NLGN1: variants seen among roughly 807,000 people sequenced by gnomAD.
The protein encoded by NLGN1 is neuroligin-1.
In NLGN1, 12 loss-of-function variants were observed where a neutral mutation model predicts 65.5. The ratio of observed to expected loss-of-function variants is 0.18; its 90% confidence interval spans 0.12 to 0.30. The LOEUF is 0.30. Among genes scored for constraint, NLGN1 ranks in the 10% least tolerant of loss-of-function variants. The pLI is 1.00. For synonymous variants in NLGN1, 350 were observed against 359.5 expected, an observed-to-expected ratio of 0.97 and a Z score of 0.30; for missense variants, 750 against 1,007.1, an observed-to-expected ratio of 0.74 and a Z score of 3.46.
At chr3:173,484,595 A>G (rs1727853542) in intron 2 of NLGN1, among the ~76,000 whole-genome samples, 1 of 152,220 alleles carries the variant, frequency 6.6e-6, no homozygotes, top group Non-Finnish European at 1.5e-5. Context: ...CTTCAAGTCA[A>G]TAAGAAATAA....
intron 2 of NLGN1, among the ~76,000 whole-genome samples, chr3:173,579,922 A>G (rs1053827598): frequency 2.0e-5 from 3 of 152,136 alleles, no homozygotes; most frequent in Non-Finnish European, 2.9e-5. Context: ...TTCTAGCTTC[A>G]GAATTTTTAA....
chr3:173,541,888 A>G (rs1339995273), intron 2 of NLGN1, among the ~76,000 whole-genome samples: 1 of 152,100 alleles, frequency 6.6e-6, no homozygotes, highest in African/African-American at 2.4e-5. Flanking sequence ...AGGTGTACGT[A>G]GATGTGGATT....
intron 2 of NLGN1, among the ~76,000 whole-genome samples, chr3:173,506,197 G>A (rs990644038): frequency 2.0e-5 from 3 of 151,920 alleles, no homozygotes; most frequent in East Asian, 1.9e-4. Context: ...ACATACTTAC[G>A]AGAGAAAAGA....
intron 4 of NLGN1, among the ~76,000 whole-genome samples, chr3:174,073,581 G>T (rs954365118): frequency 6.6e-6 from 1 of 152,148 alleles, no homozygotes; most frequent in Non-Finnish European, 1.5e-5. Context: ...ATATGTAGCA[G>T]TGAAGCCTGA....
chr3:173,589,338 C>T (rs1748045216), intron 2 of NLGN1, among the ~76,000 whole-genome samples: 1 of 152,122 alleles, frequency 6.6e-6, no homozygotes, highest in Non-Finnish European at 1.5e-5. Flanking sequence ...GCTACATATG[C>T]CTACAATTAG....
chr3:174,084,083 A>T (rs1461343205), intron 4 of NLGN1, among the ~76,000 whole-genome samples: 1 of 152,222 alleles, frequency 6.6e-6, no homozygotes, highest in African/African-American at 2.4e-5. Context: ...GGAAAGCAGG[A>T]ATATTTTTTC....
chr3:174,194,184 C>T (rs918704536), intron 4 of NLGN1, among the ~76,000 whole-genome samples: 3 of 152,034 alleles, frequency 2.0e-5, no homozygotes, highest in African/African-American at 4.8e-5. Context: ...CCTGGCCAGG[C>T]GCGGTGGCTC....
chr3:173,691,687 C>CTTGG (rs2149826943), intron 3 of NLGN1, among the ~76,000 whole-genome samples: 1 of 152,102 alleles, frequency 6.6e-6, no homozygotes, highest in South Asian at 2.1e-4. Flanking sequence ...GTACCAAGGG[C>CTTGG]TTGCATCACG....
rs74327294 is a variant in NLGN1 at position 173,899,085 on chromosome 3, A to G, written c.646+91253A>G. Among the ~76,000 whole-genome samples the G allele has an allele frequency of 9.9e-3, 1,501 of 152,264 alleles. 7 individuals are homozygous for G. The highest frequency in any genetic ancestry group is 0.015 in the Non-Finnish European group (1,048 of 67,996). On this transcript the variant is annotated intron_variant, in intron 4 of 6. Transcript: ENST00000457714. ...ATGTACATCTCTGGATCTTTTAGAAAAATAATACAAGCAAGAAGCCAGTTT... is the reference window on the plus strand; with the variant it reads ...ATGTACATCTCTGGATCTTTTAGAAGAATAATACAAGCAAGAAGCCAGTTT...
rs1193796670 is a variant in NLGN1, at chr3:173,852,314, C to T, written c.646+44482C>T. ...GAGCTTGCAGTGAGCCGAGATCGCG[C>T]CACTGCACTCCAGCCTGGGCAACAG... On this transcript the variant is annotated intron_variant, in intron 4 of 6. Coordinates refer to ENST00000457714, the Ensembl canonical transcript of NLGN1. Among the ~76,000 whole-genome samples the T allele has an allele frequency of 3.7e-5, 5 of 133,460 alleles. No homozygotes were observed. In the South Asian group the frequency reaches 1.3e-3, roughly 34 times the overall value. The allele number at this position is 133,460 out of a possible 152,430, so 87.6% of individuals were successfully genotyped here.
At chr3:173,907,210 C>T (rs1738592385) in intron 4 of NLGN1, among the ~76,000 whole-genome samples, 1 of 152,218 alleles carries the variant, frequency 6.6e-6, no homozygotes, top group African/African-American at 2.4e-5. Context: ...CCACCACCAG[C>T]ACTTCTCACA....
At chr3:173,826,716 T>C (rs893002366) in intron 4 of NLGN1, among the ~76,000 whole-genome samples, 1 of 152,060 alleles carries the variant, frequency 6.6e-6, no homozygotes, top group Non-Finnish European at 1.5e-5. Context: ...GATGCAGTGC[T>C]TCTGACCTGA....
At chr3:173,969,778 C>T (rs1259207243) in intron 4 of NLGN1, among the ~76,000 whole-genome samples, 1 of 151,958 alleles carries the variant, frequency 6.6e-6, no homozygotes, top group African/African-American at 2.4e-5. Flanking sequence ...TTTTTATTGT[C>T]ACTACTTTCA....
intron 1 of NLGN1, among the ~76,000 whole-genome samples, chr3:173,429,389 C>G (rs1487761980): frequency 1.3e-5 from 2 of 152,142 alleles, no homozygotes; most frequent in African/African-American, 2.4e-5. Context: ...AATTTCTGCA[C>G]CGATTTACTG....
At chr3:174,178,568 A>T (rs1252051254) in intron 4 of NLGN1, among the ~76,000 whole-genome samples, 1 of 152,144 alleles carries the variant, frequency 6.6e-6, no homozygotes, top group South Asian at 2.1e-4. Context: ...CCATAACTGA[A>T]TGCTAAGTGC....
chr3:174,187,606 A>G (rs1428546195), intron 4 of NLGN1, among the ~76,000 whole-genome samples: 1 of 152,076 alleles, frequency 6.6e-6, no homozygotes, highest in Admixed American at 6.6e-5. Context: ...TCAAAATCTG[A>G]AAAGAAGAGT....
chr3:174,092,618 CTTA>C (rs1194685652), intron 4 of NLGN1, among the ~76,000 whole-genome samples: 2 of 151,414 alleles, frequency 1.3e-5, no homozygotes, highest in Non-Finnish European at 2.9e-5. Flanking sequence ...TAACGTTTCT[CTTA>C]TTATTATGAT....
At chr3:173,733,516 G>A (rs917353320) in intron 3 of NLGN1, among the ~76,000 whole-genome samples, 11 of 152,066 alleles carry the variant, frequency 7.2e-5, no homozygotes, top group Admixed American at 5.2e-4. Flanking sequence ...CACAACAGAG[G>A]GCCTGGGTGG....
intron 2 of NLGN1, among the ~76,000 whole-genome samples, chr3:173,467,008 T>G (rs1306571240): frequency 1.3e-5 from 2 of 152,156 alleles, no homozygotes; most frequent in Non-Finnish European, 2.9e-5. Flanking sequence ...TACGTGATCA[T>G]TATATAACAT....
Sources: allele counts gnomAD v4.1 joint callset (sites outside exome capture counted in the v4.1 genomes callset), GRCh38; gene constraint gnomAD v4.1.1; transcripts MANE v1.5; gene names NCBI Gene and HGNC (gene_info 2026-07-23, HGNC 2026-07-21).